ITIH2: variants seen among roughly 807,000 people sequenced by gnomAD.
ITIH2 encodes inter-alpha-trypsin inhibitor heavy chain H2.
A neutral mutation model predicts 104.4 loss-of-function variants in ITIH2; 103 were observed. That is an observed-to-expected ratio of 0.99 (90% CI 0.84 to 1.16). The LOEUF is 1.16. ITIH2 is among the 50% of genes most tolerant of loss of function. The pLI is 0.00. For synonymous variants in ITIH2, 436 were observed against 435.4 expected (o/e 1.00, Z -0.02); for missense variants, 1,108 against 1,162.4 (o/e 0.95, Z 0.68).
chr10:7,714,908 C>A (rs1370717533), intron 5 of ITIH2, among the ~76,000 whole-genome samples: 1 of 152,116 alleles, frequency 6.6e-6, no homozygotes, highest in Non-Finnish European at 1.5e-5. Flanking sequence ...GTGGATGAAA[C>A]CTGTGGATAC....
In ITIH2 at chr10:7,720,971, G is replaced by T; in HGVS notation, c.738+8G>T. The T allele has an allele frequency of 6.4e-7, 1 of 1,566,622 alleles. No individual in the cohort carries two copies. Among genetic ancestry groups the T allele is most frequent in the Non-Finnish European group, 8.8e-7 (1 of 1,136,854 alleles). On this transcript the variant is annotated splice_region_variant and intron_variant, in intron 7 of 20. Coordinates refer to ENST00000358415, the MANE Select transcript of ITIH2 (RefSeq NM_002216.3). ...TCTAAAGGACAACAGAAGGTACCCT[G>T]AGCCCTGTGTGTTGCCAGGCATTCA...
intron 5 of ITIH2, among the ~76,000 whole-genome samples, chr10:7,715,252 C>G (rs531974634): frequency 1.3e-5 from 2 of 152,238 alleles, no homozygotes; most frequent in African/African-American, 2.4e-5. Flanking sequence ...GAAACCCCGT[C>G]TCTACTAAAA....
intron 11 of ITIH2, among the ~76,000 whole-genome samples, chr10:7,728,633 C>T (rs1834973135): frequency 6.6e-6 from 1 of 151,980 alleles, no homozygotes; most frequent in Non-Finnish European, 1.5e-5. Flanking sequence ...TGGGCTCAAG[C>T]AGTCCTCCCA....
At chr10:7,746,572 T>C in intron 19 of ITIH2, 21 bp from the exon 20 acceptor site, 2 of 1,453,350 alleles carry the variant, frequency 1.4e-6, no homozygotes, top group Non-Finnish European at 1.9e-6. Context: ...TGTCAATCAA[T>C]GTCTGATTCT....
intron 4 of ITIH2, among the ~76,000 whole-genome samples, chr10:7,711,432 C>A (rs184938761): frequency 6.6e-6 from 1 of 152,280 alleles, no homozygotes; most frequent in Non-Finnish European, 1.5e-5. Flanking sequence ...GAGAAGATAC[C>A]TGCTTAATTA....
chr10:7,749,295 C>G lies in ITIH2; in HGVS notation c.2802C>G (p.Tyr934Ter), dbSNP rs1325032149. The stretch of plus-strand genomic sequence containing the variant: ...TCATTGACGGGCATTACAAGGATTA[C>G]TTCGTGCCTCAGCTCTACAGCTTTC... ...KGFIDGHYKD[Y>*]FVPQLYSFLK... Residue 934 changes from tyrosine (Y) to a stop codon, truncating the protein, a stop_gained, in exon 21 of 21, where the codon TAC becomes TAG. Transcript: ENST00000358415. LOFTEE classifies it high-confidence loss of function. The G allele has an allele frequency of 1.2e-6, 2 of 1,614,074 alleles. No homozygotes were observed. The highest frequency in any genetic ancestry group is 2.7e-5 in the African/African-American group (2 of 74,934).
intron 12 of ITIH2, among the ~76,000 whole-genome samples, chr10:7,731,179 A>G (rs146256700): frequency 0.024 from 3,654 of 152,088 alleles, 97 homozygotes; most frequent in African/African-American, 0.066. Flanking sequence ...TGGCCTCCCA[A>G]AGTGCTGGGA....
intron 5 of ITIH2, among the ~76,000 whole-genome samples, chr10:7,715,592 G>A (rs149176906): frequency 1.2e-3 from 181 of 152,188 alleles, no homozygotes; most frequent in Middle Eastern, 3.4e-3. Context: ...AGGTAAACAC[G>A]GTGTCTCACT....
At chr10:7,737,457 GTATAAT>G (rs1311460001) in intron 15 of ITIH2, among the ~76,000 whole-genome samples, 8 of 119,918 alleles carry the variant, frequency 6.7e-5, no homozygotes, top group South Asian at 5.3e-4. Flanking sequence ...AACAGATAAC[GTATAAT>G]TATAATTATA....
rs369527193 is a variant in ITIH2, at chr10:7,738,910, A to G, written c.2095+152A>G. 73 of 647,356 alleles carry G rather than the reference A, an allele frequency of 1.1e-4. No individual in the cohort carries two copies. In the African/African-American group the frequency reaches 1.2e-3, roughly 11 times the overall value. The allele number at this position is 647,356 out of a possible 1,614,324, so 40.1% of individuals were successfully genotyped here. A position where few individuals can be genotyped will look rare whatever the true frequency, so the allele number is the denominator to read the frequency against. On this transcript the variant is annotated intron_variant, in intron 16 of 20. Coordinates refer to ENST00000358415, the MANE Select transcript of ITIH2 (RefSeq NM_002216.3). ...GGCAGATCACCTGTTTTTCTATAGAAATACAGCTTATTTTGTTTGTTTTTA... is the reference window on the plus strand; with the variant it reads ...GGCAGATCACCTGTTTTTCTATAGAGATACAGCTTATTTTGTTTGTTTTTA...
intron 5 of ITIH2, among the ~76,000 whole-genome samples, chr10:7,715,500 C>A (rs1483876644): frequency 6.6e-6 from 1 of 152,116 alleles, no homozygotes; most frequent in Non-Finnish European, 1.5e-5. Context: ...ATCCATCACA[C>A]AAATACTTAC....
chr10:7,735,117 G>A (rs778339837), intron 15 of ITIH2, 26 bp downstream of exon 15: 2 of 1,583,178 alleles, frequency 1.3e-6, no homozygotes, highest in South Asian at 1.1e-5. Flanking sequence ...GTGGGGACAA[G>A]TGGCCAGGCA....
intron 1 of ITIH2, 148 bp from the exon 2 acceptor site, chr10:7,704,960 T>C: frequency 1.9e-6 from 1 of 532,998 alleles, no homozygotes; most frequent in East Asian, 3.3e-5. Flanking sequence ...TTAGGAGAAA[T>C]ACCTGACGTA....
intron 9 of ITIH2, among the ~76,000 whole-genome samples, chr10:7,726,294 C>A (rs1230164794): frequency 6.6e-6 from 1 of 151,972 alleles, no homozygotes; most frequent in South Asian, 2.1e-4. Context: ...GGAAATGTAC[C>A]AATAGAATAG....
At chr10:7,743,044 A>G (rs1835141804) in intron 16 of ITIH2, 102 bp from the exon 17 acceptor site, 2 of 677,422 alleles carry the variant, frequency 3.0e-6, no homozygotes, top group Non-Finnish European at 5.2e-6. Context: ...AGCACAATAA[A>G]TATTTGTTCT....
At position 7,724,029 on chromosome 10, in the gene ITIH2, T is replaced by C. The variant is rs374226568; in HGVS notation, c.984+462T>C. Among the ~76,000 whole-genome samples, 5 of 152,362 alleles carry C rather than the reference T, an allele frequency of 3.3e-5. No individual in the cohort carries two copies. In the East Asian group the frequency reaches 9.6e-4, roughly 29 times the overall value. ...AATATATACATATTATTTCTAATTA[T>C]ATGGTAATTGCTTGAGAGCAGCTAT... On this transcript the variant is annotated intron_variant, in intron 9 of 20. Coordinates refer to ENST00000358415, the MANE Select transcript of ITIH2 (RefSeq NM_002216.3).
In ITIH2 at chr10:7,727,063, A is replaced by G. The variant is rs1588456210; in HGVS notation, c.1098A>G (p.Thr366=). The stretch of plus-strand genomic sequence containing the variant: ...GGAGAAATGATTTAATTTCAGCTAC[A>G]AAAACACAGGTTGCAGATGCCAAGA... ...RTWRNDLISA[T]KTQVADAKRY... The change falls in exon 10 of 21, where the codon ACA becomes ACG. Residue 366 remains threonine, a synonymous_variant. Transcript: ENST00000358415. 6.2e-7 allele frequency: 1 copy of G among 1,614,202 alleles called. No individual in the cohort carries two copies. The highest frequency in any genetic ancestry group is 8.5e-7 in the Non-Finnish European group (1 of 1,180,008).
At chr10:7,742,521 A>G (rs1453783919) in intron 16 of ITIH2, among the ~76,000 whole-genome samples, 5 of 152,176 alleles carry the variant, frequency 3.3e-5, no homozygotes, top group African/African-American at 1.2e-4. Context: ...TGGGTGGATC[A>G]CTTGAGTTCA....
At chr10:7,725,647 A>T (rs1834944768) in intron 9 of ITIH2, among the ~76,000 whole-genome samples, 2 of 152,232 alleles carry the variant, frequency 1.3e-5, no homozygotes. Flanking sequence ...CAAAGACAGA[A>T]ATGTAATCAG....
Sources: allele counts gnomAD v4.1 joint callset (sites outside exome capture counted in the v4.1 genomes callset), GRCh38; gene constraint gnomAD v4.1.1; transcripts MANE v1.5; gene names NCBI Gene and HGNC (gene_info 2026-07-23, HGNC 2026-07-21).